CLVS1: variants seen among roughly 807,000 people sequenced by gnomAD.
The protein encoded by CLVS1 is clavesin 1, also known as clavesin-1.
In CLVS1, 10 loss-of-function variants were observed where a neutral mutation model predicts 33.1. That is an observed-to-expected ratio of 0.30 (90% CI 0.19 to 0.51). CLVS1 has a LOEUF of 0.51. CLVS1 is among the 20% of genes least tolerant of loss of function. CLVS1 has a pLI of 0.97. For synonymous variants in CLVS1, 163 were observed against 166.1 expected (o/e 0.98, Z 0.14); for missense variants, 343 against 433.4 (o/e 0.79, Z 1.85).
At chr8:61,114,496 G>T (rs1418423079) in intron 1 of CLVS1, among the ~76,000 whole-genome samples, 1 of 152,108 alleles carries the variant, frequency 6.6e-6, no homozygotes, top group Non-Finnish European at 1.5e-5. Context: ...GCCTTTAATG[G>T]TTCAAAAGAA....
chr8:61,217,832 A>T (rs1357018983), intron 2 of CLVS1, among the ~76,000 whole-genome samples: 2 of 152,226 alleles, frequency 1.3e-5, no homozygotes, highest in African/African-American at 4.8e-5. Context: ...AATTTAAAAA[A>T]TGGACAAATG....
intron 2 of CLVS1, among the ~76,000 whole-genome samples, chr8:61,150,082 A>G (rs1206433962): frequency 1.4e-5 from 2 of 140,406 alleles, no homozygotes; most frequent in Non-Finnish European, 3.0e-5. Context: ...TTTTTGTTTC[A>G]GTTTTCTCAT....
chr8:61,428,037 G>A (rs1393484081), intron 3 of CLVS1, among the ~76,000 whole-genome samples: 3 of 152,202 alleles, frequency 2.0e-5, no homozygotes, highest in Non-Finnish European at 4.4e-5. Flanking sequence ...AACAATTGGA[G>A]TGTTACCCTG....
chr8:61,481,053 A>C (rs1471126847), intron 5 of CLVS1, among the ~76,000 whole-genome samples: 1 of 152,116 alleles, frequency 6.6e-6, no homozygotes, highest in Non-Finnish European at 1.5e-5. Context: ...CTTGGTTTAG[A>C]GGAAAGGAAA....
At chr8:61,158,663 A>T (rs12545360) in intron 2 of CLVS1, among the ~76,000 whole-genome samples, 1 of 151,894 alleles carries the variant, frequency 6.6e-6, no homozygotes, top group Admixed American at 6.6e-5. Context: ...ACTAGGAGTG[A>T]GGGTAGGGTC....
the CLVS1 span, among the ~76,000 whole-genome samples, chr8:61,046,967 T>G: frequency 6.6e-6 from 1 of 152,280 alleles, no homozygotes; most frequent in African/African-American, 2.4e-5. Flanking sequence ...TTTTCCTAAT[T>G]GAATACCCTT....
intron 1 of CLVS1, among the ~76,000 whole-genome samples, chr8:61,058,757 A>G (rs1804525822): frequency 1.3e-5 from 2 of 151,378 alleles, no homozygotes; most frequent in Non-Finnish European, 2.9e-5. Flanking sequence ...TAATAGCTGC[A>G]TTTTCTAGAA....
At chr8:61,476,579 C>T (rs568913078) in intron 5 of CLVS1, among the ~76,000 whole-genome samples, 1 of 152,234 alleles carries the variant, frequency 6.6e-6, no homozygotes, top group East Asian at 1.9e-4. Flanking sequence ...GGAGTTCACT[C>T]ATGATTTGGC....
chr8:61,405,895 C>A (rs73682293), intron 3 of CLVS1, among the ~76,000 whole-genome samples: 2,712 of 152,074 alleles, frequency 0.018, 84 homozygotes, highest in African/African-American at 0.061. Flanking sequence ...TCTCATGGAT[C>A]CCTGCAGATG....
chr8:61,099,912 AT>A (rs1430221352), intron 1 of CLVS1, among the ~76,000 whole-genome samples: 2 of 152,376 alleles, frequency 1.3e-5, no homozygotes, highest in Middle Eastern at 3.4e-3. Flanking sequence ...AATCGGATAT[AT>A]AGTTACAGCT....
chr8:61,351,966 A>T (rs771929449), intron 2 of CLVS1, among the ~76,000 whole-genome samples: 1 of 152,112 alleles, frequency 6.6e-6, no homozygotes, highest in Non-Finnish European at 1.5e-5. Context: ...AAAAGATAGA[A>T]GAAAGAATCT....
At chr8:61,308,418 A>G (rs1054192052) in intron 2 of CLVS1, among the ~76,000 whole-genome samples, 2 of 152,098 alleles carry the variant, frequency 1.3e-5, no homozygotes, top group Non-Finnish European at 1.5e-5. Flanking sequence ...AGCTTCTGAA[A>G]GACTGCAAGT....
At chr8:61,397,162 G>T (rs1563534947) in intron 3 of CLVS1, among the ~76,000 whole-genome samples, 1 of 152,094 alleles carries the variant, frequency 6.6e-6, no homozygotes, top group East Asian at 1.9e-4. Flanking sequence ...AACAATGTGT[G>T]AGAGCTCCAA....
At chr8:61,388,245 T>C (rs1814163255) in intron 3 of CLVS1, among the ~76,000 whole-genome samples, 1 of 151,432 alleles carries the variant, frequency 6.6e-6, no homozygotes, top group African/African-American at 2.4e-5. Context: ...ATAGATCAGC[T>C]TTGCTGCAGT....
At chr8:60,964,985 G>A in the CLVS1 span, among the ~76,000 whole-genome samples, 1 of 152,110 alleles carries the variant, frequency 6.6e-6, no homozygotes, top group Non-Finnish European at 1.5e-5. Context: ...AGTTTTCCCA[G>A]GAAAGAGAAT....
rs11986199 is a variant in CLVS1 at position 61,269,976 on chromosome 8, T to C, written c.-151-29701T>C. Among the ~76,000 whole-genome samples the C allele has an allele frequency of 2.6e-3, 385 of 148,578 alleles. 2 individuals are homozygous for C. The highest frequency in any genetic ancestry group is 9.0e-3 in the African/African-American group (362 of 40,442). ...GTCTGCAAACAGGGACAATTTGACT[T>C]CCTCTTTTCCTAATTGAATACCCTT... On this transcript the variant is annotated intron_variant, in intron 2 of 2. Transcript: ENST00000522621.
chr8:61,051,547 C>T, the CLVS1 span, among the ~76,000 whole-genome samples: 6 of 152,186 alleles, frequency 3.9e-5, no homozygotes, highest in South Asian at 4.1e-4. Context: ...GTTGGGGTCC[C>T]GCCCACAGAG....
chr8:61,334,337 G>A (rs749613237), intron 2 of CLVS1, among the ~76,000 whole-genome samples: 56 of 152,180 alleles, frequency 3.7e-4, no homozygotes, highest in Non-Finnish European at 7.8e-4. Context: ...CAGTGGGGAC[G>A]AGAAGTTTAG....
intron 5 of CLVS1, among the ~76,000 whole-genome samples, chr8:61,482,226 G>T (rs1010290624): frequency 6.7e-6 from 1 of 149,874 alleles, no homozygotes. Flanking sequence ...CCAAAGGTAG[G>T]TAAAACCACA....
Sources: allele counts gnomAD v4.1 joint callset (sites outside exome capture counted in the v4.1 genomes callset), GRCh38; gene constraint gnomAD v4.1.1; transcripts MANE v1.5; gene names NCBI Gene and HGNC (gene_info 2026-07-23, HGNC 2026-07-21).